The following EIF2AK4 variants were observed in gnomAD, a reference collection of about 807,000 sequenced individuals.
EIF2AK4 encodes eIF-2-alpha kinase GCN2.
In EIF2AK4, 139 loss-of-function variants were observed where a neutral mutation model predicts 211.1. That is an observed-to-expected ratio of 0.66 (90% CI 0.57 to 0.76). EIF2AK4 has a LOEUF of 0.76. EIF2AK4 is among the 30% of genes least tolerant of loss of function. The pLI is 0.00. For synonymous variants in EIF2AK4, 710 were observed against 751.3 expected (o/e 0.94, Z 0.90); for missense variants, 1,664 against 2,043.8 (o/e 0.81, Z 3.58).
rs1486722644 is a variant in EIF2AK4 at position 40,016,546 on chromosome 15, A to G, written c.3804A>G (p.Gln1268=). The change falls in exon 28 of 39, where the codon CAA becomes CAG. Residue 1268 remains glutamine, a synonymous_variant. Coordinates refer to ENST00000263791, the MANE Select transcript of EIF2AK4 (RefSeq NM_001013703.4). The stretch of plus-strand genomic sequence containing the variant: ...TTATTGAACAGAAGGGAGATTTGCA[A>G]GATCTTATGCCAACAATAAATTCAT... ...YKFIEQKGDL[Q]DLMPTINSLI... The G allele has an allele frequency of 4.3e-6, 7 of 1,614,118 alleles. No homozygotes were observed. In the South Asian group the frequency reaches 4.4e-5, roughly 10 times the overall value.
chr15:40,029,168 A>C lies in EIF2AK4; in HGVS notation c.4503-238A>C, dbSNP rs551473578. ...GATTTCACGCCCAGCTGAATAAATCAGAATGTTTTCCTTAGGCATTTGTTA... is the reference window on the plus strand; with the variant it reads ...GATTTCACGCCCAGCTGAATAAATCCGAATGTTTTCCTTAGGCATTTGTTA... On this transcript the variant is annotated intron_variant, in intron 33 of 38. Coordinates refer to ENST00000263791, the MANE Select transcript of EIF2AK4 (RefSeq NM_001013703.4). The C allele has an allele frequency of 5.0e-4, 143 of 283,726 alleles. 1 individual carries two copies. The highest frequency in any genetic ancestry group is 3.1e-3 in the African/African-American group (135 of 43,936). 17.6% of individuals were successfully genotyped at this position (283,726 alleles called of 1,614,324 possible).
At chr15:39,982,922 C>T (rs966517949) in intron 13 of EIF2AK4, among the ~76,000 whole-genome samples, 1 of 152,200 alleles carries the variant, frequency 6.6e-6, no homozygotes, top group African/African-American at 2.4e-5. Context: ...ATATGTGCCA[C>T]ATTTTCTTTA....
rs1474747240 is a variant in EIF2AK4, at chr15:39,998,641, T to A, written c.2869-90T>A. On this transcript the variant is annotated intron_variant, in intron 19 of 38. Transcript: ENST00000263791. Reference sequence around the variant, plus strand: ...TCTTTTCTTGCTAGCAAATTTTTATTTCTGTATTTGATTTTCTTACTTATG... The same window carrying A: ...TCTTTTCTTGCTAGCAAATTTTTATATCTGTATTTGATTTTCTTACTTATG... 4.9e-6 allele frequency: 5 copies of A among 1,022,744 alleles called. No homozygotes were observed. The African/African-American group carries it at 6.6e-5, about 13-fold the overall frequency. 63.4% of individuals were successfully genotyped at this position (1,022,744 alleles called of 1,614,324 possible).
intron 35 of EIF2AK4, among the ~76,000 whole-genome samples, chr15:40,031,511 A>C (rs1315039633): frequency 2.0e-5 from 3 of 147,752 alleles, no homozygotes; most frequent in Non-Finnish European, 4.4e-5. Context: ...CATTGCTGCC[A>C]CCTCTCCCTT....
intron 21 of EIF2AK4, 165 bp from the exon 22 acceptor site, chr15:40,002,548 T>A (rs140172266): frequency 1.6e-6 from 1 of 629,838 alleles, no homozygotes; most frequent in Non-Finnish European, 2.8e-6. Context: ...ATGAAAGATA[T>A]GTGTCCTCTT....
intron 6 of EIF2AK4, among the ~76,000 whole-genome samples, chr15:39,958,919 A>G (rs2034429171): frequency 6.6e-6 from 1 of 151,954 alleles, no homozygotes; most frequent in Non-Finnish European, 1.5e-5. Flanking sequence ...AAAAAAAAAG[A>G]TTATCCTTTT....
intron 6 of EIF2AK4, among the ~76,000 whole-genome samples, chr15:39,956,718 G>C (rs969002671): frequency 6.6e-6 from 1 of 152,176 alleles, no homozygotes; most frequent in African/African-American, 2.4e-5. Flanking sequence ...TTTATGAGTG[G>C]GGTGGGTTAT....
intron 6 of EIF2AK4, among the ~76,000 whole-genome samples, chr15:39,960,195 CAT>C: frequency 6.7e-6 from 1 of 149,206 alleles, no homozygotes; most frequent in Non-Finnish European, 1.5e-5. Flanking sequence ...AATATGTGGA[CAT>C]ATGTGTGGTG....
intron 33 of EIF2AK4, 122 bp from the exon 34 acceptor site, chr15:40,029,284 C>A: frequency 2.2e-6 from 3 of 1,393,470 alleles, no homozygotes; most frequent in Non-Finnish European, 1.9e-6. Context: ...CCACCAATAA[C>A]CAAGAAGATG....
intron 31 of EIF2AK4, among the ~76,000 whole-genome samples, chr15:40,021,381 T>G (rs746121928): frequency 1.3e-5 from 2 of 152,140 alleles, no homozygotes; most frequent in Non-Finnish European, 2.9e-5. Flanking sequence ...ATCATCACAC[T>G]CAGCAATGAA....
At chr15:39,992,041 T>G (rs1349691173) in intron 16 of EIF2AK4, 134 bp from the exon 17 acceptor site, 2 of 848,640 alleles carry the variant, frequency 2.4e-6, no homozygotes, top group South Asian at 4.8e-5. Context: ...GAAAAAAAAT[T>G]AAAACTCAAA....
intron 37 of EIF2AK4, among the ~76,000 whole-genome samples, chr15:40,033,389 A>AAT (rs1056710778): frequency 2.6e-4 from 39 of 152,210 alleles, no homozygotes; most frequent in African/African-American, 7.9e-4. Context: ...GTCCTTTATA[A>AAT]ATATATATAT....
In EIF2AK4 at chr15:40,020,948, C is replaced by A; in HGVS notation, c.4223C>A (p.Ser1408Tyr). 6.2e-7 allele frequency: 1 copy of A among 1,613,426 alleles called. No individual in the cohort carries two copies. Residue 1408 changes from serine to tyrosine, a missense_variant, in exon 31 of 39, where the codon TCT (serine) becomes TAT (tyrosine). Ser to Tyr is a moderately radical substitution (Grantham distance 144). Coordinates refer to ENST00000263791, the MANE Select transcript of EIF2AK4 (RefSeq NM_001013703.4). ...CTGGTTGTAAGTGTTGGCCAGATGT[C>A]TATGTCCAGGGCCATCAACCTAACC... ...DLLVVSVGQMSMSRAINLTQK... is the reference protein window; with the variant it reads ...DLLVVSVGQMYMSRAINLTQK...
At chr15:40,002,454 T>G in intron 21 of EIF2AK4, 1 of 413,806 alleles carries the variant, frequency 2.4e-6, no homozygotes, top group Non-Finnish European at 4.4e-6. Context: ...AAGGCAAATA[T>G]CAATGTGGCC....
intron 30 of EIF2AK4, chr15:40,020,512 A>ATATTTATT (rs10533369): frequency 7.9e-6 from 1 of 126,552 alleles, no homozygotes; most frequent in African/African-American, 2.7e-5. Context: ...ATATGTATAT[A>ATATTTATT]TATTTATTTA....
At chr15:40,013,002 G>A (rs558305449) in intron 27 of EIF2AK4, among the ~76,000 whole-genome samples, 1 of 152,238 alleles carries the variant, frequency 6.6e-6, no homozygotes, top group Non-Finnish European at 1.5e-5. Context: ...TGAGTCACAT[G>A]GAGTTAGTTG....
At position 39,996,834 on chromosome 15, in the gene EIF2AK4, A is replaced by G. The variant is rs917252770; in HGVS notation, c.2767-130A>G. ...ATAATTTTTAAGAACAAATCTTCGC[A>G]TTTTTCCAGTGTGACCTGTTTTGTA... On this transcript the variant is annotated intron_variant, in intron 18 of 38. Coordinates refer to ENST00000263791, the MANE Select transcript of EIF2AK4 (RefSeq NM_001013703.4). 3.4e-5 allele frequency: 21 copies of G among 624,668 alleles called. No individual in the cohort carries two copies. In the African/African-American group the frequency reaches 3.7e-4, roughly 11 times the overall value. The allele number at this position is 624,668 out of a possible 1,614,324, so 38.7% of individuals were successfully genotyped here.
chr15:39,961,406 C>T (rs2034469976), intron 6 of EIF2AK4, among the ~76,000 whole-genome samples: 1 of 152,214 alleles, frequency 6.6e-6, no homozygotes, highest in South Asian at 2.1e-4. Flanking sequence ...TGTATCTGTG[C>T]TGTCCAATAT....
rs760829375 is a variant in EIF2AK4, at chr15:40,020,929, G to C, written c.4204G>C (p.Val1402Leu). Residue 1402 changes from valine (V) to leucine (L), a missense_variant, in exon 31 of 39, where the codon GTA becomes CTA. Physicochemically the swap from Val to Leu is conservative, Grantham distance 32. This residue lies in a region of EIF2AK4 where 622 missense variants were observed against 796.8 expected (regional missense o/e 0.78). Coordinates refer to ENST00000263791, the MANE Select transcript of EIF2AK4 (RefSeq NM_001013703.4). ...VTISSCDLLV[V>L]SVGQMSMSRA... ...AATAAGCTCTTGTGACCTCCTGGTT[G>C]TAAGTGTTGGCCAGATGTCTATGTC... The C allele has an allele frequency of 1.2e-5, 20 of 1,612,378 alleles. 1 individual carries two copies. The South Asian group carries it at 2.1e-4, about 17-fold the overall frequency.
Sources: gnomAD v4.1 joint callset for allele counts (sites outside exome capture counted in the v4.1 genomes callset) on GRCh38, gnomAD v4.1.1 for gene constraint, gnomAD v4.1.1 regional missense constraint, MANE v1.5 for transcripts, NCBI Gene and HGNC (gene_info 2026-07-23, HGNC 2026-07-21) for gene names.